Variants in HIPK1 observed in about 807,000 individuals in gnomAD.
HIPK1 encodes the protein homeodomain interacting protein kinase 1, also known as homeodomain-interacting protein kinase 1.
HIPK1 carries 28 observed loss-of-function variants against 117.1 expected under a neutral mutation model. The ratio of observed to expected loss-of-function variants is 0.24; its 90% CI spans 0.18 to 0.33. HIPK1 has a LOEUF of 0.33. HIPK1 is among the 10% of genes least tolerant of loss of function. HIPK1 has a pLI of 1.00. For missense variants in HIPK1, 1,122 were observed against 1,475.1 expected (o/e 0.76, Z 3.92); for synonymous variants, 605 against 562.5 (o/e 1.08, Z -1.07).
At chr1:113,962,694 C>A (rs1672204533) in intron 9 of HIPK1, among the ~76,000 whole-genome samples, 1 of 152,092 alleles carries the variant, frequency 6.6e-6, no homozygotes, top group Non-Finnish European at 1.5e-5. Context: ...TAAGTTTACT[C>A]TAATTTTGCG....
At position 113,941,491 on chromosome 1, in the gene HIPK1, G is replaced by T; in HGVS notation, c.1076+32G>T. 1.3e-6 allele frequency: 2 copies of T among 1,547,456 alleles called. No individual in the cohort carries two copies. The highest frequency in any genetic ancestry group is 1.8e-6 in the Non-Finnish European group (2 of 1,128,996). ...GGCAAATGCTGAAAATCGTATCTTAGGCTAGAGTTCTGTCCTTATATTTAA... is the reference window on the plus strand; with the variant it reads ...GGCAAATGCTGAAAATCGTATCTTATGCTAGAGTTCTGTCCTTATATTTAA... On this transcript the variant is annotated intron_variant, in intron 2 of 15. Coordinates refer to ENST00000426820, the MANE Select transcript of HIPK1 (RefSeq NM_198268.3). The surrounding 1 kb of genome is among the most constrained non-coding windows in gnomAD (Gnocchi z 4.9).
At position 113,940,587 on chromosome 1, in the gene HIPK1, T is replaced by C; in HGVS notation, c.204T>C (p.Pro68=). 2 of 1,614,160 alleles carry C rather than the reference T, an allele frequency of 1.2e-6. No individual in the cohort carries two copies. Among genetic ancestry groups the C allele is most frequent in the Middle Eastern group, 3.3e-4 (2 of 6,062 alleles). The change falls in exon 2 of 16, where the codon CCT becomes CCC. Residue 68 remains proline (P), a synonymous_variant. Transcript: ENST00000426820. ...SSHQVANFNI[P]AYDQGLLLPA... is the part of the protein sequence containing the mutation. ...ACCAGGTAGCAAATTTCAACATCCCTGCTTACGACCAGGGCCTCCTCCTCC... is the reference window on the plus strand; with the variant it reads ...ACCAGGTAGCAAATTTCAACATCCCCGCTTACGACCAGGGCCTCCTCCTCC...
intron 1 of HIPK1, among the ~76,000 whole-genome samples, chr1:113,931,472 A>C (rs1237330686): frequency 6.6e-6 from 1 of 152,160 alleles, no homozygotes. Flanking sequence ...TTAGAATAAA[A>C]TGGTGAATGA....
rs773586753 is a variant in HIPK1 at position 113,970,190 on chromosome 1, G to A, written c.3006G>A (p.Gln1002=). The A allele has an allele frequency of 1.2e-6, 2 of 1,614,136 alleles. No individual in the cohort carries two copies. Among genetic ancestry groups the A allele is most frequent in the South Asian group, 2.2e-5 (2 of 91,082 alleles). ...TTGGTGACTGCACTGTAGCAACCCA[G>A]GCCTCAGGTCAGTGTTATCTTCACA... ...TQLGDCTVAT[Q]ASGLLSNKTK... Residue 1002 remains glutamine (Q), a synonymous_variant, in exon 14 of 16, where the codon CAG becomes CAA. Transcript: ENST00000426820.
chr1:113,943,685 C>T (rs2101195913), intron 2 of HIPK1, among the ~76,000 whole-genome samples: 2 of 152,294 alleles, frequency 1.3e-5, no homozygotes, highest in East Asian at 3.9e-4. Context: ...CTATGTTTAA[C>T]TTTTTGCAGA....
chr1:113,971,893 C>G lies in HIPK1; in HGVS notation c.3083C>G (p.Pro1028Arg). 6.2e-7 allele frequency: 1 copy of G among 1,606,686 alleles called. No homozygotes were observed. Among genetic ancestry groups the G allele is most frequent in the Admixed American group, 1.7e-5 (1 of 58,158 alleles). ...CAGTCATCTGGATGCTGTATCACCC[C>G]CACAGGGTATCGAGCTCAACGCGGG... The part of the protein sequence containing the change: ...SGQSSGCCIT[P>R]TGYRAQRGGT... The change falls in exon 15 of 16, where the codon CCC becomes CGC. Residue 1028 changes from proline to arginine, a missense_variant. Transcript: ENST00000426820.
rs757549158 is a variant in HIPK1, at chr1:113,958,176, A to G, written c.1866A>G (p.Ala622=). 6.2e-7 allele frequency: 1 copy of G among 1,614,148 alleles called. No homozygotes were observed. The highest frequency in any genetic ancestry group is 2.2e-5 in the East Asian group (1 of 44,878). The change falls in exon 8 of 16, where the codon GCA becomes GCG. Residue 622 remains alanine, a synonymous_variant. Transcript: ENST00000426820. ...YQSALYPSSA[A]PVPGVAQQGV... is the part of the protein sequence containing the mutation. ...CAGCTTTGTACCCATCATCTGCTGC[A>G]CCAGTTCCTGGAGTTGCCCAGCAGG...
intron 3 of HIPK1, among the ~76,000 whole-genome samples, chr1:113,953,620 C>T (rs976581606): frequency 5.3e-5 from 8 of 151,704 alleles, no homozygotes; most frequent in African/African-American, 1.2e-4. Context: ...CTGGTTCAAG[C>T]GATTCTCCTG....
chr1:113,930,085 G>C (rs1484415707), intron 1 of HIPK1: 1 of 935,560 alleles, frequency 1.1e-6, no homozygotes, highest in African/African-American at 1.8e-5. Context: ...CTGGGACCGG[G>C]CGCCGCGTCT....
intron 2 of HIPK1, among the ~76,000 whole-genome samples, chr1:113,947,064 CCTT>C (rs1671033737): frequency 2.0e-5 from 3 of 152,188 alleles, no homozygotes; most frequent in African/African-American, 7.2e-5. Flanking sequence ...CAAAGCTAGT[CCTT>C]CTCTTACCCA....
intron 2 of HIPK1, among the ~76,000 whole-genome samples, chr1:113,944,383 C>T (rs1489131340): frequency 3.3e-5 from 5 of 151,306 alleles, no homozygotes; most frequent in Admixed American, 6.6e-5. Flanking sequence ...AGGCTGGTCT[C>T]GAACTCCTGA....
At chr1:113,972,772 TCTCTTGATTCTCC>T (rs1672923406) in intron 15 of HIPK1, among the ~76,000 whole-genome samples, 1 of 152,146 alleles carries the variant, frequency 6.6e-6, no homozygotes, top group Non-Finnish European at 1.5e-5. Context: ...AACCCTATGA[TCTCTTGATTCTCC>T]CTCTTCCTGT....
intron 7 of HIPK1, among the ~76,000 whole-genome samples, 170 bp downstream of exon 7, chr1:113,957,456 G>A (rs1357216652): frequency 6.6e-6 from 1 of 152,104 alleles, no homozygotes; most frequent in African/African-American, 2.4e-5. Context: ...TACTTACCAG[G>A]CACAGGCTAA....
At position 113,971,950 on chromosome 1, in the gene HIPK1, G is replaced by A. The variant is rs1271318925; in HGVS notation, c.3140G>A (p.Ser1047Asn). The A allele has an allele frequency of 5.6e-6, 9 of 1,611,272 alleles. No individual in the cohort carries two copies. The highest frequency in any genetic ancestry group is 7.6e-6 in the Non-Finnish European group (9 of 1,178,770). ...AGTGCAGCACAACCACTCAATCTTA[G>A]CCAGGTAAGTGCTATGGGCTACTGC... ...GTSAAQPLNL[S>N]QNQQSSAAPT... Residue 1047 changes from serine to asparagine, a missense_variant, in exon 15 of 16, where the codon AGC (serine) becomes AAC (asparagine). Ser to Asn is a conservative substitution (Grantham distance 46). Transcript: ENST00000426820.
At position 113,968,621 on chromosome 1, in the gene HIPK1, A is replaced by T. The variant is rs1313001272; in HGVS notation, c.2744A>T (p.Glu915Val). 1 of 1,613,998 alleles carries T rather than the reference A, an allele frequency of 6.2e-7. No individual in the cohort carries two copies. The highest frequency in any genetic ancestry group is 8.5e-7 in the Non-Finnish European group (1 of 1,179,834). ...ACTATCCGAAGTGACACTGATGAGG[A>T]AGAGGACAACAAATACAAGCCCAGT... The part of the protein sequence containing the change: ...VITIRSDTDE[E>V]EDNKYKPSSS... Residue 915 changes from glutamate (E) to valine (V), a missense_variant, in exon 13 of 16, where the codon GAA (glutamate) becomes GTA (valine). By Grantham distance (121) the Glu-to-Val change is moderately radical. Around this residue, in one of 6 missense-constraint regions of HIPK1, gnomAD observed 731 missense variants for 860.4 expected, o/e 0.85. Transcript: ENST00000426820.
At chr1:113,969,165 C>G (rs1013456114) in intron 13 of HIPK1, among the ~76,000 whole-genome samples, 2 of 152,140 alleles carry the variant, frequency 1.3e-5, no homozygotes, top group South Asian at 2.1e-4. Context: ...ATGAAAGTAA[C>G]TTAGGAGACT....
At chr1:113,938,589 G>A (rs147401361) in intron 1 of HIPK1, among the ~76,000 whole-genome samples, 164 of 152,062 alleles carry the variant, frequency 1.1e-3, no homozygotes, top group African/African-American at 3.6e-3. Context: ...GTGCCAATAA[G>A]GGTAGGGAAA....
At chr1:113,963,255 G>T (rs1672238264) in intron 9 of HIPK1, 132 bp from the exon 10 acceptor site, 1 of 1,015,722 alleles carries the variant, frequency 9.8e-7, no homozygotes, top group Non-Finnish European at 1.5e-6. Flanking sequence ...AGTTGTGTTT[G>T]GTATATGCAT....
intron 3 of HIPK1, among the ~76,000 whole-genome samples, chr1:113,953,389 A>G (rs1194285587): frequency 6.6e-6 from 1 of 152,254 alleles, no homozygotes; most frequent in African/African-American, 2.4e-5. Context: ...GTAGTAATAT[A>G]TGATCTGTAT....
Sources: allele counts gnomAD v4.1 joint callset (sites outside exome capture counted in the v4.1 genomes callset), GRCh38; gene constraint gnomAD v4.1.1; regional missense constraint gnomAD v4.1.1; non-coding constraint Gnocchi (gnomAD v3.1); transcripts MANE v1.5; gene names NCBI Gene and HGNC (gene_info 2026-07-23, HGNC 2026-07-21).